The following SLC5A8 variants were observed in gnomAD, a reference collection of about 807,000 sequenced individuals.
SLC5A8 encodes the protein sodium-coupled monocarboxylate transporter 1.
Under a neutral mutation model 71.9 loss-of-function variants are expected in SLC5A8, and 55 were observed. That is an observed-to-expected ratio of 0.77 (90% CI 0.62 to 0.96). The LOEUF is 0.96. Ranked by LOEUF, SLC5A8 falls within the 40% of genes least tolerant of loss-of-function variation. The pLI is 0.00. For synonymous variants in SLC5A8, 307 were observed against 276.1 expected, an observed-to-expected ratio of 1.11 and a Z score of -1.11; for missense variants, 701 against 745.3, an observed-to-expected ratio of 0.94 and a Z score of 0.69.
Position 101,204,503 on chromosome 12 carries a change from T to G in SLC5A8, c.414A>C (p.Gln138His). The G allele has an allele frequency of 6.3e-7, 1 of 1,595,014 alleles. No homozygotes were observed. Among genetic ancestry groups the G allele is most frequent in the Non-Finnish European group, 8.5e-7 (1 of 1,174,194 alleles). ...RLCGTVLFIV[Q>H]TILYTGIVIY... ...AAATAAATGGAGAGCTACTTACTGT[T>G]TGAACAATGAAGAGGACTGTTCCAC... The change falls in exon 2 of 15, where the codon CAA becomes CAC. Residue 138 changes from glutamine (Q) to histidine (H), a missense_variant. Coordinates refer to ENST00000536262, the MANE Select transcript of SLC5A8 (RefSeq NM_145913.5).
chr12:101,200,773 T>C (rs1384131820), intron 3 of SLC5A8, among the ~76,000 whole-genome samples: 1 of 152,142 alleles, frequency 6.6e-6, no homozygotes, highest in Non-Finnish European at 1.5e-5. Context: ...TTGATAAATA[T>C]TAACATAGAG....
intron 10 of SLC5A8, among the ~76,000 whole-genome samples, chr12:101,177,816 T>C (rs2051895055): frequency 6.6e-6 from 1 of 152,118 alleles, no homozygotes; most frequent in African/African-American, 2.4e-5. Flanking sequence ...CCTGTTCACA[T>C]TGGGGAACTG....
intron 13 of SLC5A8, among the ~76,000 whole-genome samples, chr12:101,161,176 A>G (rs1359915918): frequency 6.9e-6 from 1 of 145,122 alleles, no homozygotes; most frequent in African/African-American, 2.5e-5. Flanking sequence ...CAAGCATAAG[A>G]TAGATTAAAT....
chr12:101,162,323 C>T (rs919982384), intron 12 of SLC5A8, among the ~76,000 whole-genome samples: 3 of 152,174 alleles, frequency 2.0e-5, no homozygotes, highest in Admixed American at 6.5e-5. Context: ...CCAGGCACTG[C>T]TCTTGTGATT....
At position 101,205,205 on chromosome 12, in the gene SLC5A8, G is replaced by A. The variant is rs56086228; in HGVS notation, c.352-640C>T. On this transcript the variant is annotated intron_variant, in intron 1 of 14. Transcript: ENST00000536262. ...ACAAAAAATGACTGATCCTGACAGA[G>A]TGGCCTGAAAAGGCTGCCCCGGTTT... Among the ~76,000 whole-genome samples the A allele has an allele frequency of 9.0e-3, 1,377 of 152,288 alleles. 9 individuals are homozygous for A. The highest frequency in any genetic ancestry group is 0.014 in the Non-Finnish European group (928 of 68,022).
intron 12 of SLC5A8, among the ~76,000 whole-genome samples, chr12:101,162,453 C>T (rs143402146): frequency 1.1e-3 from 171 of 152,254 alleles, no homozygotes; most frequent in African/African-American, 2.7e-3. Context: ...ATATGTTCAT[C>T]GCAGCACTAT....
intron 8 of SLC5A8, among the ~76,000 whole-genome samples, chr12:101,183,913 T>A (rs1317136844): frequency 1.3e-5 from 2 of 151,998 alleles, no homozygotes; most frequent in African/African-American, 4.8e-5. Flanking sequence ...TGTATGGTGG[T>A]GTATTAGAGA....
intron 7 of SLC5A8, 143 bp downstream of exon 7, chr12:101,187,243 T>G (rs760426010): frequency 1.1e-5 from 10 of 938,232 alleles, no homozygotes; most frequent in Non-Finnish European, 1.3e-5. Context: ...AAATAAATTC[T>G]TAACAAAGTT....
At chr12:101,202,865 C>A (rs893246658) in intron 2 of SLC5A8, among the ~76,000 whole-genome samples, 6 of 152,000 alleles carry the variant, frequency 3.9e-5, no homozygotes, top group African/African-American at 7.3e-5. Context: ...CTTGATCTTT[C>A]AAATATATCC....
rs1868513645 is a variant in SLC5A8 at position 101,184,276 on chromosome 12, T to C, written c.964-54A>G. On this transcript the variant is annotated intron_variant, in intron 7 of 14. Coordinates refer to ENST00000536262, the MANE Select transcript of SLC5A8 (RefSeq NM_145913.5). ...TACTTTCGCTACTGAATAAAATTAA[T>C]GAATGCCTAGTTTATCATTTGTCTT... 1.1e-5 allele frequency: 15 copies of C among 1,379,556 alleles called. No homozygotes were observed. The South Asian group carries it at 1.7e-4, about 15-fold the overall frequency. 85.5% of individuals were successfully genotyped at this position (1,379,556 alleles called of 1,614,324 possible).
At chr12:101,194,610 T>C (rs762541209) in intron 4 of SLC5A8, among the ~76,000 whole-genome samples, 4 of 152,070 alleles carry the variant, frequency 2.6e-5, no homozygotes, top group Non-Finnish European at 4.4e-5. Flanking sequence ...GGACTACAGG[T>C]GTATGCCACC....
At chr12:101,157,812 C>A (rs1299599545) in intron 14 of SLC5A8, among the ~76,000 whole-genome samples, 2 of 151,688 alleles carry the variant, frequency 1.3e-5, no homozygotes, top group Non-Finnish European at 2.9e-5. Context: ...GAGAGATATA[C>A]AACAGGTATA....
chr12:101,189,146 G>A (rs910681475), intron 6 of SLC5A8, among the ~76,000 whole-genome samples: 1 of 152,160 alleles, frequency 6.6e-6, no homozygotes, highest in African/African-American at 2.4e-5. Flanking sequence ...TGGGTTTCAT[G>A]TTCCCAAGGG....
chr12:101,164,770 C>T (rs2051753995), intron 12 of SLC5A8, among the ~76,000 whole-genome samples: 1 of 152,178 alleles, frequency 6.6e-6, no homozygotes, highest in Admixed American at 6.5e-5. Context: ...CCCATGATAT[C>T]CTGTGAATAT....
chr12:101,206,355 A>C (rs896828084), intron 1 of SLC5A8, among the ~76,000 whole-genome samples: 3 of 152,216 alleles, frequency 2.0e-5, no homozygotes, highest in African/African-American at 7.2e-5. Flanking sequence ...AATCTCTATG[A>C]ATCACTAAAC....
chr12:101,187,079 C>T (rs1005249956), intron 7 of SLC5A8, among the ~76,000 whole-genome samples: 7 of 151,972 alleles, frequency 4.6e-5, no homozygotes, highest in African/African-American at 9.7e-5. Context: ...GTTTAAAAAA[C>T]AAACAAACAA....
chr12:101,184,666 G>A (rs936549470), intron 7 of SLC5A8, among the ~76,000 whole-genome samples: 2 of 152,158 alleles, frequency 1.3e-5, no homozygotes, highest in African/African-American at 2.4e-5. Flanking sequence ...GCTTAAGTAA[G>A]CAGCATCCAC....
At chr12:101,163,212 A>C (rs2137122786) in intron 12 of SLC5A8, among the ~76,000 whole-genome samples, 1 of 152,338 alleles carries the variant, frequency 6.6e-6, no homozygotes, top group South Asian at 2.1e-4. Context: ...GCAATGTTTT[A>C]AGTGAAAGAG....
intron 10 of SLC5A8, among the ~76,000 whole-genome samples, chr12:101,176,119 T>C (rs1183156574): frequency 6.6e-6 from 1 of 151,974 alleles, no homozygotes; most frequent in African/African-American, 2.4e-5. Flanking sequence ...ACTTCTAATA[T>C]AGCAACATAG....
Sources: gnomAD v4.1 joint callset for allele counts (sites outside exome capture counted in the v4.1 genomes callset) on GRCh38, gnomAD v4.1.1 for gene constraint, MANE v1.5 for transcripts, NCBI Gene and HGNC (gene_info 2026-07-23, HGNC 2026-07-21) for gene names.